The following GINS1 variants were observed in gnomAD, a reference collection of about 807,000 sequenced individuals.
GINS1 encodes the protein DNA replication complex GINS protein PSF1.
Under a neutral mutation model 34.9 loss-of-function variants are expected in GINS1, and 26 were observed. The ratio of observed to expected loss-of-function variants is 0.74; its 90% CI spans 0.55 to 1.03. GINS1 has a LOEUF of 1.03. Ranked by LOEUF, GINS1 falls within the 50% of genes least tolerant of loss-of-function variation. GINS1 has a pLI of 0.00. For synonymous variants in GINS1, 97 were observed against 84.4 expected (o/e 1.15, Z -0.82); for missense variants, 235 against 237.9 (o/e 0.99, Z 0.08).
intron 2 of GINS1, among the ~76,000 whole-genome samples, chr20:25,415,071 A>G (rs1245453812): frequency 1.3e-5 from 2 of 152,230 alleles, no homozygotes; most frequent in East Asian, 1.9e-4. Context: ...TGTCTGTGAC[A>G]TGAGGTTTCC....
In GINS1 at chr20:25,407,780, G is replaced by C; in HGVS notation, c.-41G>C. ...GCCCAGATACCATTTTGGCGTGAGA[G>C]CTGGTGGTTGGCAAGGCCGCGGGAG... On this transcript the variant is annotated 5_prime_UTR_variant, in exon 1 of 7. Transcript: ENST00000262460. 6.6e-7 allele frequency: 1 copy of C among 1,514,016 alleles called. No individual in the cohort carries two copies. The highest frequency in any genetic ancestry group is 9.2e-7 in the Non-Finnish European group (1 of 1,089,310). 93.8% of individuals were successfully genotyped at this position (1,514,016 alleles called of 1,614,324 possible). A position where few individuals can be genotyped will look rare whatever the true frequency, so the allele number is the denominator to read the frequency against.
intron 1 of GINS1, 138 bp downstream of exon 1, chr20:25,408,033 A>G: frequency 3.0e-6 from 2 of 668,880 alleles, no homozygotes; most frequent in South Asian, 3.4e-5. Context: ...GCAAAACAAA[A>G]TTCAGGAGGA....
chr20:25,427,692 T>G (rs1342560537), intron 5 of GINS1, among the ~76,000 whole-genome samples: 1 of 152,188 alleles, frequency 6.6e-6, no homozygotes, highest in Admixed American at 6.5e-5. Flanking sequence ...GATTTAGAAA[T>G]CCTTTATGTA....
At position 25,444,042 on chromosome 20, in the gene GINS1, C is replaced by T. The variant is rs145526194; in HGVS notation, c.523-1881C>T. ...TATGGTTTTTTTCGAGATGGACTCTCGCTCTGTCACCCAGGCTGTAGTGCA... is the reference window on the plus strand; with the variant it reads ...TATGGTTTTTTTCGAGATGGACTCTTGCTCTGTCACCCAGGCTGTAGTGCA... On this transcript the variant is annotated intron_variant, in intron 6 of 6. Coordinates refer to ENST00000262460, the MANE Select transcript of GINS1 (RefSeq NM_021067.5). 1.5e-3 allele frequency among the ~76,000 whole-genome samples: 203 copies of T among 136,790 alleles called. 1 individual carries two copies. The highest frequency in any genetic ancestry group is 5.1e-3 in the African/African-American group (181 of 35,240). The allele number at this position is 136,790 out of a possible 152,430, so 89.7% of individuals were successfully genotyped here. A position where few individuals can be genotyped will look rare whatever the true frequency, so the allele number is the denominator to read the frequency against.
At chr20:25,419,325 T>C (rs1051795927) in intron 4 of GINS1, among the ~76,000 whole-genome samples, 12 of 147,916 alleles carry the variant, frequency 8.1e-5, no homozygotes, top group Admixed American at 5.6e-4. Context: ...GTTCAGCACA[T>C]GTATCCCAGA....
intron 2 of GINS1, 108 bp downstream of exon 2, chr20:25,413,962 C>A (rs1425675777): frequency 3.0e-6 from 2 of 668,036 alleles, no homozygotes; most frequent in Admixed American, 4.2e-5. Flanking sequence ...GAGGCTGAGG[C>A]GGGCGGATTA....
chr20:25,425,694 T>C (rs1410468579), intron 5 of GINS1, among the ~76,000 whole-genome samples: 1 of 152,064 alleles, frequency 6.6e-6, no homozygotes, highest in Non-Finnish European at 1.5e-5. Flanking sequence ...ATGAAACAAA[T>C]GTCAAAACAA....
At position 25,432,162 on chromosome 20, in the gene GINS1, G is replaced by A. The variant is rs916501653; in HGVS notation, c.447+6835G>A. Reference sequence around the variant, plus strand: ...GCTGGAATTGCAGGCGTGAGCCACCGCGCCTGGCCATGAAATCTGTCTTAT... The same window carrying A: ...GCTGGAATTGCAGGCGTGAGCCACCACGCCTGGCCATGAAATCTGTCTTAT... On this transcript the variant is annotated intron_variant, in intron 5 of 6. Transcript: ENST00000262460. Among the ~76,000 whole-genome samples the A allele has an allele frequency of 4.0e-5, 6 of 151,724 alleles. No homozygotes were observed. The East Asian group carries it at 5.8e-4, about 15-fold the overall frequency.
chr20:25,447,275 A>G lies in GINS1; in HGVS notation c.*1284A>G, dbSNP rs2090517874. ...GGCTGGTTTCAAACTCCTGACCTCA[A>G]GTGACCCACCTTGGCCTCCCAAAGT... On this transcript the variant is annotated 3_prime_UTR_variant, in exon 7 of 7. Coordinates refer to ENST00000262460, the MANE Select transcript of GINS1 (RefSeq NM_021067.5). 1 of 151,968 alleles carries G rather than the reference A, an allele frequency of 6.6e-6. No individual in the cohort carries two copies. The highest frequency in any genetic ancestry group is 2.4e-5 in the African/African-American group (1 of 41,396). The allele number at this position is 151,968 out of a possible 1,614,324, so 9.4% of individuals were successfully genotyped here.
intron 1 of GINS1, among the ~76,000 whole-genome samples, chr20:25,408,314 C>T (rs976762677): frequency 2.0e-5 from 3 of 152,022 alleles, no homozygotes; most frequent in East Asian, 1.9e-4. Flanking sequence ...TTTTCTCATA[C>T]GCAAAAATGG....
intron 2 of GINS1, among the ~76,000 whole-genome samples, chr20:25,416,157 A>T (rs1163373718): frequency 2.3e-4 from 35 of 152,068 alleles, no homozygotes; most frequent in Non-Finnish European, 1.5e-5. Context: ...GAGGTGGGGG[A>T]AGCTGGTCAC....
chr20:25,448,352 A>C lies in GINS1; in HGVS notation c.*2361A>C, dbSNP rs954726939. 1.3e-5 allele frequency: 2 copies of C among 152,234 alleles called. No individual in the cohort carries two copies. The highest frequency in any genetic ancestry group is 6.5e-5 in the Admixed American group (1 of 15,288). The allele number at this position is 152,234 out of a possible 1,614,324, so 9.4% of individuals were successfully genotyped here. On this transcript the variant is annotated 3_prime_UTR_variant, in exon 7 of 7. Coordinates refer to ENST00000262460, the MANE Select transcript of GINS1 (RefSeq NM_021067.5). ...TAATCTTTTGTAGTTTTCAGTGTAC[A>C]GGTCTACCATGTCAGCATTTCATAG... is the stretch of plus-strand genomic sequence containing the variant.
chr20:25,445,353 T>TC, intron 6 of GINS1, among the ~76,000 whole-genome samples: 1 of 151,814 alleles, frequency 6.6e-6, no homozygotes, highest in South Asian at 2.1e-4. Context: ...GGCTAATTTT[T>TC]TTTTTTTTTT....
chr20:25,420,221 C>T (rs1427403468), intron 4 of GINS1, among the ~76,000 whole-genome samples: 13 of 152,026 alleles, frequency 8.6e-5, no homozygotes, highest in Non-Finnish European at 1.5e-5. Flanking sequence ...GAAACCTCTG[C>T]CTCCCGGGTT....
intron 1 of GINS1, among the ~76,000 whole-genome samples, chr20:25,412,724 T>C (rs982171043): frequency 6.6e-6 from 1 of 152,210 alleles, no homozygotes; most frequent in Non-Finnish European, 1.5e-5. Flanking sequence ...TATGTACATC[T>C]TTATAACCAG....
chr20:25,434,698 C>T (rs1443000353), intron 5 of GINS1, among the ~76,000 whole-genome samples: 1 of 152,204 alleles, frequency 6.6e-6, no homozygotes, highest in Non-Finnish European at 1.5e-5. Flanking sequence ...GCTCCTGCCT[C>T]AGCCTCTCAG....
rs552173722 is a variant in GINS1, at chr20:25,448,465, C to T, written c.*2474C>T. ...ATACAATTGATGTTGAACTTGTATC[C>T]TTCAGCCTTGCTAAACTGTGAGTTC... is the stretch of plus-strand genomic sequence containing the variant. On this transcript the variant is annotated 3_prime_UTR_variant, in exon 7 of 7. Coordinates refer to ENST00000262460, the MANE Select transcript of GINS1 (RefSeq NM_021067.5). 6.6e-6 allele frequency: 1 copy of T among 152,330 alleles called. No homozygotes were observed. The highest frequency in any genetic ancestry group is 2.4e-5 in the African/African-American group (1 of 41,578). The allele number at this position is 152,330 out of a possible 1,614,324, so 9.4% of individuals were successfully genotyped here.
chr20:25,432,323 T>A (rs1327333674), intron 5 of GINS1, among the ~76,000 whole-genome samples: 1 of 152,062 alleles, frequency 6.6e-6, no homozygotes, highest in Non-Finnish European at 1.5e-5. Flanking sequence ...TTTCTTTTTT[T>A]TTTTTGAGAC....
At chr20:25,415,578 C>T (rs996957804) in intron 2 of GINS1, among the ~76,000 whole-genome samples, 2 of 151,232 alleles carry the variant, frequency 1.3e-5, no homozygotes, top group Non-Finnish European at 2.9e-5. Context: ...CCAGCTACTC[C>T]GGAGGTTGAG....
Sources: gnomAD v4.1 joint callset for allele counts (sites outside exome capture counted in the v4.1 genomes callset) on GRCh38, gnomAD v4.1.1 for gene constraint, MANE v1.5 for transcripts, NCBI Gene and HGNC (gene_info 2026-07-23, HGNC 2026-07-21) for gene names.